The following VTI1A variants were observed in gnomAD, a reference collection of about 807,000 sequenced individuals.
The protein encoded by VTI1A is vesicle transport through interaction with t-SNAREs 1A.
A neutral mutation model predicts 34.9 loss-of-function variants in VTI1A; 22 were observed. That is an observed-to-expected ratio of 0.63 (90% CI 0.45 to 0.90). VTI1A has a LOEUF of 0.90. VTI1A is among the 40% of genes least tolerant of loss of function. The pLI is 0.00. For missense variants in VTI1A, 268 were observed against 275.6 expected (o/e 0.97, Z 0.20); for synonymous variants, 87 against 97.3 (o/e 0.89, Z 0.62).
Position 112,737,853 on chromosome 10 carries a change from G to A in VTI1A, c.560+68855G>A, listed in dbSNP as rs933514844. ...TTTCTTTCTGCTTTTCCTGTTTATCGTTGGTTTGATAGCTGAGCCGTAGGA... is the reference window on the plus strand; with the variant it reads ...TTTCTTTCTGCTTTTCCTGTTTATCATTGGTTTGATAGCTGAGCCGTAGGA... On this transcript the variant is annotated intron_variant, in intron 7 of 7. Coordinates refer to ENST00000393077, the MANE Select transcript of VTI1A (RefSeq NM_145206.4). The A allele has an allele frequency of 1.3e-5, 14 of 1,060,452 alleles. No individual in the cohort carries two copies. In the Admixed American group the frequency reaches 5.9e-4, roughly 45 times the overall value. 65.7% of individuals were successfully genotyped at this position (1,060,452 alleles called of 1,614,324 possible). A position where few individuals can be genotyped will look rare whatever the true frequency, so the allele number is the denominator to read the frequency against.
intron 7 of VTI1A, among the ~76,000 whole-genome samples, chr10:112,674,427 T>G (rs1296036788): frequency 6.6e-6 from 1 of 152,210 alleles, no homozygotes; most frequent in East Asian, 1.9e-4. Flanking sequence ...AGTTGACTCA[T>G]TGCCTTTGTC....
chr10:112,807,596 T>G (rs1358867153), intron 7 of VTI1A, among the ~76,000 whole-genome samples: 1 of 152,176 alleles, frequency 6.6e-6, no homozygotes, highest in Non-Finnish European at 1.5e-5. Context: ...CTCACACCTG[T>G]AATCCCAGCA....
chr10:112,690,538 G>A (rs746025059), intron 7 of VTI1A, among the ~76,000 whole-genome samples: 1 of 152,160 alleles, frequency 6.6e-6, no homozygotes, highest in East Asian at 1.9e-4. Context: ...TTTGTGACCT[G>A]TGCCATTGAG....
At chr10:112,775,458 A>G (rs1331858172) in intron 7 of VTI1A, among the ~76,000 whole-genome samples, 2 of 152,256 alleles carry the variant, frequency 1.3e-5, no homozygotes, top group Non-Finnish European at 1.5e-5. Context: ...TTCTTTTGCA[A>G]TGATCTGAAA....
intron 5 of VTI1A, among the ~76,000 whole-genome samples, chr10:112,587,908 G>T (rs2134421225): frequency 6.6e-6 from 1 of 151,856 alleles, no homozygotes; most frequent in African/African-American, 2.4e-5. Context: ...TTATTCAAGA[G>T]AAGTGGTTTT....
intron 5 of VTI1A, among the ~76,000 whole-genome samples, chr10:112,559,053 G>GT (rs1851630928): frequency 6.6e-6 from 1 of 152,214 alleles, no homozygotes; most frequent in South Asian, 2.1e-4. Flanking sequence ...AAGTGCTCCC[G>GT]TAACTGGCAA....
the VTI1A span, chr10:112,832,262 C>G: frequency 6.6e-6 from 1 of 152,182 alleles, no homozygotes; most frequent in South Asian, 2.1e-4. Context: ...GGATTACACT[C>G]GCAAGCTGGG....
chr10:112,547,560 A>G (rs562290616), intron 5 of VTI1A, among the ~76,000 whole-genome samples: 129 of 152,150 alleles, frequency 8.5e-4, no homozygotes, highest in Non-Finnish European at 1.6e-3. Flanking sequence ...CCTGGGCAAC[A>G]GAGGGAGACT....
At chr10:112,836,447 C>T in the VTI1A span, among the ~76,000 whole-genome samples, 2 of 152,184 alleles carry the variant, frequency 1.3e-5, no homozygotes, top group African/African-American at 4.8e-5. Context: ...CAGCAGTTTC[C>T]TGATTCTCAG....
chr10:112,643,506 G>T (rs1246666703), intron 5 of VTI1A, among the ~76,000 whole-genome samples: 1 of 152,042 alleles, frequency 6.6e-6, no homozygotes, highest in Non-Finnish European at 1.5e-5. Flanking sequence ...ACAAAGCCCT[G>T]AAGTGTGTTA....
At chr10:112,576,721 G>A (rs1190359550) in intron 5 of VTI1A, among the ~76,000 whole-genome samples, 8 of 152,144 alleles carry the variant, frequency 5.3e-5, no homozygotes, top group Non-Finnish European at 2.9e-5. Context: ...ATTTCAAGAA[G>A]CATTCCTTCA....
chr10:112,811,683 CAAAAAAAAAAAAAAA>C (rs869030543), intron 7 of VTI1A, among the ~76,000 whole-genome samples: 5 of 11,826 alleles, frequency 4.2e-4, no homozygotes, highest in Admixed American at 1.5e-3. Flanking sequence ...GACTCCGTCT[CAAAAAAAAAAAAAAA>C]AAAAAAAAAA....
At chr10:112,495,909 A>C (rs1004090455) in intron 3 of VTI1A, among the ~76,000 whole-genome samples, 1 of 152,234 alleles carries the variant, frequency 6.6e-6, no homozygotes, top group Non-Finnish European at 1.5e-5. Context: ...ATTTCAAAAA[A>C]GAGGGCATTT....
intron 7 of VTI1A, among the ~76,000 whole-genome samples, chr10:112,780,267 T>C (rs1590177612): frequency 1.4e-5 from 2 of 137,982 alleles, no homozygotes; most frequent in South Asian, 4.8e-4. Context: ...CAAGACCCTG[T>C]CTCTAAAAAT....
At chr10:112,722,958 A>T (rs1849865329) in intron 7 of VTI1A, among the ~76,000 whole-genome samples, 1 of 152,198 alleles carries the variant, frequency 6.6e-6, no homozygotes, top group African/African-American at 2.4e-5. Context: ...AATAAGGGGC[A>T]GTGTCTTACA....
chr10:112,716,056 G>T (rs1352089334), intron 7 of VTI1A, among the ~76,000 whole-genome samples: 1 of 152,202 alleles, frequency 6.6e-6, no homozygotes. Context: ...CCTAGAAGGG[G>T]ATCTAGTGGG....
At chr10:112,593,877 C>T (rs977544209) in intron 5 of VTI1A, among the ~76,000 whole-genome samples, 6 of 151,462 alleles carry the variant, frequency 4.0e-5, no homozygotes, top group Non-Finnish European at 8.8e-5. Context: ...GCTAGGACTA[C>T]AGGTGCCCGC....
chr10:112,710,206 G>T (rs1849362222), intron 7 of VTI1A, among the ~76,000 whole-genome samples: 1 of 120,466 alleles, frequency 8.3e-6, no homozygotes, highest in Non-Finnish European at 1.6e-5. Context: ...TCCAGTTAAT[G>T]TCTTTTTTTT....
chr10:112,853,609 C>CTGA, the VTI1A span, among the ~76,000 whole-genome samples: 1 of 152,216 alleles, frequency 6.6e-6, no homozygotes, highest in Non-Finnish European at 1.5e-5. Context: ...GTCAAGTCTC[C>CTGA]TGAGACCTCG....
Sources: gnomAD v4.1 joint callset for allele counts (sites outside exome capture counted in the v4.1 genomes callset) on GRCh38, gnomAD v4.1.1 for gene constraint, MANE v1.5 for transcripts, NCBI Gene and HGNC (gene_info 2026-07-23, HGNC 2026-07-21) for gene names.